CAMKMT: variants seen among roughly 807,000 people sequenced by gnomAD.
The protein encoded by CAMKMT is calmodulin-lysine N-methyltransferase.
In CAMKMT, 53 loss-of-function variants were observed where a neutral mutation model predicts 48.0. The observed-to-expected ratio is 1.10, with a 90% CI of 0.89 to 1.39. The LOEUF (loss-of-function observed/expected upper bound fraction) is 1.39, where lower values mean the gene tolerates loss of function less well. Ranked by LOEUF, CAMKMT falls within the 40% of genes most tolerant of loss-of-function variation. The pLI is 0.00. For missense variants in CAMKMT, 428 were observed against 402.7 expected, an observed-to-expected ratio of 1.06 and a Z score of -0.54; for synonymous variants, 165 against 152.3, an observed-to-expected ratio of 1.08 and a Z score of -0.61.
At chr2:44,701,855 A>G (rs2104259401) in intron 3 of CAMKMT, among the ~76,000 whole-genome samples, 1 of 152,332 alleles carries the variant, frequency 6.6e-6, no homozygotes, top group South Asian at 2.1e-4. Flanking sequence ...GTTATTGAAT[A>G]TCTTCATGAA....
intron 3 of CAMKMT, among the ~76,000 whole-genome samples, chr2:44,542,550 C>G (rs1016065399): frequency 6.0e-5 from 9 of 149,602 alleles, no homozygotes; most frequent in Non-Finnish European, 1.2e-4. Context: ...CTCTCTCTCT[C>G]TCTCTCTTTC....
intron 8 of CAMKMT, among the ~76,000 whole-genome samples, chr2:44,746,960 G>C (rs1469557910): frequency 6.6e-6 from 1 of 152,142 alleles, no homozygotes; most frequent in Non-Finnish European, 1.5e-5. Context: ...TGTTTGAACG[G>C]CCCTCCAGTT....
At chr2:44,705,019 A>C (rs1677475009) in intron 4 of CAMKMT, among the ~76,000 whole-genome samples, 1 of 152,154 alleles carries the variant, frequency 6.6e-6, no homozygotes, top group Admixed American at 6.5e-5. Context: ...TTTAATTCTC[A>C]TTTTATAAAA....
chr2:44,726,088 A>G (rs1355771691), intron 7 of CAMKMT, among the ~76,000 whole-genome samples: 4 of 152,130 alleles, frequency 2.6e-5, no homozygotes, highest in Non-Finnish European at 1.5e-5. Flanking sequence ...AATACGTGGT[A>G]TTTGGTTTCC....
chr2:44,404,345 G>A (rs188210353), intron 3 of CAMKMT, among the ~76,000 whole-genome samples: 1 of 152,092 alleles, frequency 6.6e-6, no homozygotes, highest in East Asian at 1.9e-4. Flanking sequence ...GCATATGTGT[G>A]TACATATGTA....
intron 3 of CAMKMT, among the ~76,000 whole-genome samples, chr2:44,493,569 A>G (rs1669615890): frequency 6.6e-6 from 1 of 152,134 alleles, no homozygotes; most frequent in African/African-American, 2.4e-5. Context: ...ATTCTTCTTC[A>G]TGAGATGTGT....
Position 44,706,163 on chromosome 2 carries a change from C to T in CAMKMT, c.438-124C>T, listed in dbSNP as rs911673714. 3 of 863,312 alleles carry T rather than the reference C, an allele frequency of 3.5e-6. No individual in the cohort carries two copies. The African/African-American group carries it at 5.0e-5, about 14-fold the overall frequency. The allele number at this position is 863,312 out of a possible 1,614,324, so 53.5% of individuals were successfully genotyped here. On this transcript the variant is annotated intron_variant, in intron 4 of 10. Transcript: ENST00000378494. ...ACGACATGAGGTAGCCTAGTCATGT[C>T]TCTACAACTTCCTGGTAGCGCCGTT... is the stretch of plus-strand genomic sequence containing the variant.
chr2:44,585,752 A>G (rs1169185340), intron 3 of CAMKMT, among the ~76,000 whole-genome samples: 2 of 152,244 alleles, frequency 1.3e-5, no homozygotes, highest in African/African-American at 2.4e-5. Context: ...CCAAAGATAG[A>G]TGGAAGATGG....
chr2:44,687,950 C>T (rs1228488237), intron 3 of CAMKMT, among the ~76,000 whole-genome samples: 3 of 152,198 alleles, frequency 2.0e-5, no homozygotes, highest in Non-Finnish European at 4.4e-5. Context: ...ACATGAACAA[C>T]TGACAGCAAG....
At chr2:44,766,616 G>C in intron 10 of CAMKMT, 55 bp downstream of exon 10, 1 of 1,588,868 alleles carries the variant, frequency 6.3e-7, no homozygotes, top group East Asian at 2.2e-5. Flanking sequence ...ATTTTGAAGA[G>C]ATCATGGTCT....
At chr2:44,409,399 G>C (rs1683037628) in intron 3 of CAMKMT, among the ~76,000 whole-genome samples, 1 of 152,022 alleles carries the variant, frequency 6.6e-6, no homozygotes, top group African/African-American at 2.4e-5. Flanking sequence ...ATGTGGGGTT[G>C]TATGATTTAC....
chr2:44,573,392 GT>G (rs199641211), intron 3 of CAMKMT, among the ~76,000 whole-genome samples: 8 of 149,702 alleles, frequency 5.3e-5, no homozygotes, highest in Non-Finnish European at 8.9e-5. Context: ...TTTTCACTCT[GT>G]TTTTTTTTAG....
chr2:44,520,016 C>A (rs1361810024), intron 3 of CAMKMT, among the ~76,000 whole-genome samples: 1 of 151,394 alleles, frequency 6.6e-6, no homozygotes, highest in East Asian at 1.9e-4. Flanking sequence ...TCGAAACCAT[C>A]CTGGCTAACA....
chr2:44,504,281 G>C (rs1377082197), intron 3 of CAMKMT, among the ~76,000 whole-genome samples: 1 of 152,144 alleles, frequency 6.6e-6, no homozygotes, highest in African/African-American at 2.4e-5. Context: ...TAGAAGATAA[G>C]ACACACTGCT....
chr2:44,647,970 TCAC>T lies in CAMKMT; in HGVS notation c.377-56312_377-56310del, dbSNP rs551080017. ...GCAATGATTGCCTGTATAAGGATGT[TCAC>T]TACACCATTATCTGTATTAGGAAAA... On this transcript the variant is annotated intron_variant, in intron 3 of 10. Transcript: ENST00000378494. Among the ~76,000 whole-genome samples, 69 of 150,984 alleles carry T rather than the reference TCAC, an allele frequency of 4.6e-4. 1 individual carries two copies. The highest frequency in any genetic ancestry group is 1.6e-3 in the African/African-American group (67 of 41,188).
At chr2:44,411,394 A>G (rs973782274) in intron 3 of CAMKMT, among the ~76,000 whole-genome samples, 1 of 152,182 alleles carries the variant, frequency 6.6e-6, no homozygotes, top group African/African-American at 2.4e-5. Context: ...GAAGATTTAG[A>G]CTCCAAGGAA....
intron 2 of CAMKMT, among the ~76,000 whole-genome samples, chr2:44,389,346 C>T (rs1337540409): frequency 2.0e-5 from 3 of 152,076 alleles, no homozygotes; most frequent in Admixed American, 2.0e-4. Context: ...AGGGTTAGGG[C>T]TTCAGCATAA....
chr2:44,465,712 TTTACTTTAAACTCC>T (rs773719918), intron 3 of CAMKMT, among the ~76,000 whole-genome samples: 42 of 152,338 alleles, frequency 2.8e-4, no homozygotes, highest in Non-Finnish European at 5.3e-4. Flanking sequence ...AATGTGAATG[TTTACTTTAAACTCC>T]TTAATCAAAG....
chr2:44,406,746 A>G (rs1372954490), intron 3 of CAMKMT, among the ~76,000 whole-genome samples: 4 of 152,046 alleles, frequency 2.6e-5, no homozygotes, highest in Non-Finnish European at 5.9e-5. Context: ...ATGGAAGCGC[A>G]CTACCAGGCC....
Sources: gnomAD v4.1 joint callset for allele counts (sites outside exome capture counted in the v4.1 genomes callset) on GRCh38, gnomAD v4.1.1 for gene constraint, MANE v1.5 for transcripts, NCBI Gene and HGNC (gene_info 2026-07-23, HGNC 2026-07-21) for gene names.